Variants in NR3C2 observed in about 807,000 individuals in gnomAD.
NR3C2 encodes nuclear receptor subfamily 3 group C member 2.
Under a neutral mutation model 86.4 loss-of-function variants are expected in NR3C2, and 15 were observed. The ratio of observed to expected loss-of-function variants is 0.17; its 90% CI spans 0.12 to 0.27. The LOEUF (loss-of-function observed/expected upper bound fraction) is 0.27, where lower values mean the gene tolerates loss of function less well. Among genes scored for constraint, NR3C2 ranks in the 10% least tolerant of loss-of-function variants. The pLI is 1.00. For synonymous variants in NR3C2, 458 were observed against 450.5 expected, an observed-to-expected ratio of 1.02 and a Z score of -0.21; for missense variants, 960 against 1,195.6, an observed-to-expected ratio of 0.80 and a Z score of 2.91.
At chr4:148,210,581 G>A (rs1175292314) in intron 3 of NR3C2, among the ~76,000 whole-genome samples, 1 of 152,324 alleles carries the variant, frequency 6.6e-6, no homozygotes, top group Admixed American at 6.5e-5. Flanking sequence ...CTACTTGTCA[G>A]TGTTCTTTTA....
At chr4:148,142,930 C>T (rs1339917440) in intron 6 of NR3C2, among the ~76,000 whole-genome samples, 1 of 152,166 alleles carries the variant, frequency 6.6e-6, no homozygotes, top group African/African-American at 2.4e-5. Flanking sequence ...CCTGCTTTTG[C>T]CATGTGATGT....
chr4:148,329,151 G>A (rs6849862), intron 2 of NR3C2, among the ~76,000 whole-genome samples: 51,379 of 151,906 alleles, frequency 0.34, 9,941 homozygotes, highest in African/African-American at 0.54. Flanking sequence ...TAGGGGCCCT[G>A]GTGAATGGAG....
At chr4:148,320,105 A>C (rs1349211869) in intron 2 of NR3C2, among the ~76,000 whole-genome samples, 1 of 114,504 alleles carries the variant, frequency 8.7e-6, no homozygotes, top group Non-Finnish European at 1.7e-5. Context: ...GAATTTTGTC[A>C]AAGGCTTTTT....
intron 2 of NR3C2, among the ~76,000 whole-genome samples, chr4:148,342,618 A>G (rs986387161): frequency 4.6e-5 from 7 of 152,288 alleles, no homozygotes; most frequent in Middle Eastern, 3.4e-3. Flanking sequence ...CCGTTCCCAC[A>G]TATCTGAACC....
rs1739041460 is a variant in NR3C2, at chr4:148,241,453, A to C, written c.1897+18525T>G. 1.3e-5 allele frequency among the ~76,000 whole-genome samples: 2 copies of C among 151,374 alleles called. 1 individual carries two copies. The highest frequency in any genetic ancestry group is 4.9e-5 in the African/African-American group (2 of 41,134). ...TTATTTTATCTCCCTTCCATACCAC[A>C]TTAGCCATTGCCTTTTTCTTTGGCA... On this transcript the variant is annotated intron_variant, in intron 3 of 8. Transcript: ENST00000358102.
chr4:148,089,225 C>T (rs1230474520), intron 8 of NR3C2, among the ~76,000 whole-genome samples: 1 of 152,220 alleles, frequency 6.6e-6, no homozygotes, highest in African/African-American at 2.4e-5. Context: ...TCACTGCCCT[C>T]AGTCTGCAGA....
intron 6 of NR3C2, among the ~76,000 whole-genome samples, chr4:148,134,283 C>T (rs1733173617): frequency 6.6e-6 from 1 of 152,190 alleles, no homozygotes; most frequent in Admixed American, 6.5e-5. Flanking sequence ...GGCCACTATA[C>T]CACCAGTGAC....
intron 4 of NR3C2, among the ~76,000 whole-genome samples, chr4:148,181,414 G>C (rs62331988): frequency 0.1 from 15,871 of 152,130 alleles, 1,002 homozygotes; most frequent in South Asian, 0.21. Context: ...GGGAGGACTG[G>C]AATAGGAAAA....
chr4:148,190,661 T>G (rs1370524061), intron 4 of NR3C2, among the ~76,000 whole-genome samples: 1 of 152,240 alleles, frequency 6.6e-6, no homozygotes, highest in Non-Finnish European at 1.5e-5. Flanking sequence ...ATTGTGTTGC[T>G]GTTTATCTCA....
chr4:148,313,330 T>C (rs868492145), intron 2 of NR3C2, among the ~76,000 whole-genome samples: 1 of 152,288 alleles, frequency 6.6e-6, no homozygotes, highest in Middle Eastern at 3.4e-3. Flanking sequence ...GTTTTATGCA[T>C]AAAAATATTT....
At chr4:148,412,804 C>T (rs1748771520) in intron 2 of NR3C2, among the ~76,000 whole-genome samples, 1 of 136,000 alleles carries the variant, frequency 7.4e-6, no homozygotes, top group Non-Finnish European at 1.6e-5. Context: ...TACGTGCATA[C>T]ACAGGTGCAC....
chr4:148,318,776 G>C (rs1484362321), intron 2 of NR3C2, among the ~76,000 whole-genome samples: 1 of 152,142 alleles, frequency 6.6e-6, no homozygotes, highest in African/African-American at 2.4e-5. Context: ...CTGGATATTA[G>C]TCCTTTGTCA....
chr4:148,367,396 TTAAG>T (rs1488303647), intron 2 of NR3C2, among the ~76,000 whole-genome samples: 3 of 152,260 alleles, frequency 2.0e-5, no homozygotes, highest in Admixed American at 2.0e-4. Context: ...ATGCCATAAT[TTAAG>T]TGAAAATCAT....
intron 8 of NR3C2, among the ~76,000 whole-genome samples, chr4:148,081,712 A>G (rs1361373611): frequency 6.6e-6 from 1 of 152,116 alleles, no homozygotes; most frequent in African/African-American, 2.4e-5. Flanking sequence ...AAAACAAACA[A>G]ATTCAGCTGA....
At chr4:148,419,131 C>T (rs1365479692) in intron 2 of NR3C2, among the ~76,000 whole-genome samples, 1 of 151,148 alleles carries the variant, frequency 6.6e-6, no homozygotes, top group East Asian at 1.9e-4. Context: ...AGCCATCTTG[C>T]ATAAATATTT....
At chr4:148,097,619 G>A (rs1010392849) in intron 8 of NR3C2, among the ~76,000 whole-genome samples, 12 of 152,110 alleles carry the variant, frequency 7.9e-5, no homozygotes, top group Non-Finnish European at 1.0e-4. Context: ...TTTAAGGATC[G>A]CTTAAGACAA....
intron 2 of NR3C2, among the ~76,000 whole-genome samples, chr4:148,429,781 GTCA>G (rs1749715807): frequency 6.6e-6 from 1 of 152,236 alleles, no homozygotes; most frequent in African/African-American, 2.4e-5. Flanking sequence ...ATGTTGGAAT[GTCA>G]TCAAAGATAT....
intron 6 of NR3C2, among the ~76,000 whole-genome samples, chr4:148,125,454 C>T (rs531386035): frequency 1.8e-4 from 28 of 152,296 alleles, no homozygotes; most frequent in African/African-American, 4.3e-4. Flanking sequence ...ACTCCTCAAG[C>T]GCATATCTGT....
chr4:148,402,418 T>C (rs1376403700), intron 2 of NR3C2, among the ~76,000 whole-genome samples: 2 of 152,212 alleles, frequency 1.3e-5, no homozygotes, highest in African/African-American at 4.8e-5. Flanking sequence ...GACCCAGATA[T>C]GTCTTGTTAT....
Sources: gnomAD v4.1 joint callset for allele counts (sites outside exome capture counted in the v4.1 genomes callset) on GRCh38, gnomAD v4.1.1 for gene constraint, MANE v1.5 for transcripts, NCBI Gene and HGNC (gene_info 2026-07-23, HGNC 2026-07-21) for gene names.